The following ALOX5 variants were observed in gnomAD, a reference collection of about 807,000 sequenced individuals.
ALOX5 encodes the protein arachidonate 5-lipoxygenase, also known as polyunsaturated fatty acid 5-lipoxygenase.
Under a neutral mutation model 87.9 loss-of-function variants are expected in ALOX5, and 64 were observed. The ratio of observed to expected loss-of-function variants is 0.73; its 90% CI spans 0.60 to 0.90. The LOEUF (loss-of-function observed/expected upper bound fraction) is 0.90. ALOX5 is among the 40% of genes least tolerant of loss of function. ALOX5 has a pLI of 0.00. For missense variants in ALOX5, 822 were observed against 907.5 expected (o/e 0.91, Z 1.21); for synonymous variants, 388 against 355.1 (o/e 1.09, Z -1.04).
At chr10:45,379,885 C>T (rs556507413) in intron 1 of ALOX5, among the ~76,000 whole-genome samples, 1 of 152,208 alleles carries the variant, frequency 6.6e-6, no homozygotes, top group East Asian at 1.9e-4. Flanking sequence ...GCCCACCGAG[C>T]CTTCTACCCC....
At chr10:45,435,131 G>A (rs1489661853) in intron 7 of ALOX5, among the ~76,000 whole-genome samples, 1 of 152,210 alleles carries the variant, frequency 6.6e-6, no homozygotes, top group East Asian at 1.9e-4. Flanking sequence ...TGGTACAAGA[G>A]CTCAAGGAGA....
At position 45,427,357 on chromosome 10, in the gene ALOX5, C is replaced by G. The variant is rs376956805; in HGVS notation, c.835-1261C>G. On this transcript the variant is annotated intron_variant, in intron 6 of 13. Transcript: ENST00000374391. ...AACCCAAGGGTCTCCACCTGCCCCC[C>G]TCAACACAAGGTGCCCTGAGTGCCT... Among the ~76,000 whole-genome samples the G allele has an allele frequency of 4.6e-5, 7 of 152,346 alleles. No homozygotes were observed. In the East Asian group the frequency reaches 1.4e-3, roughly 29 times the overall value.
At chr10:45,391,380 C>CT (rs1840244150) in intron 2 of ALOX5, among the ~76,000 whole-genome samples, 1 of 152,216 alleles carries the variant, frequency 6.6e-6, no homozygotes. Flanking sequence ...CAGACGGAGT[C>CT]TCATTCACTC....
chr10:45,436,685 G>A (rs924786107), intron 7 of ALOX5, among the ~76,000 whole-genome samples: 1 of 152,120 alleles, frequency 6.6e-6, no homozygotes, highest in Non-Finnish European at 1.5e-5. Flanking sequence ...GTCAGGTAAT[G>A]TGATGCCTCC....
rs1258974833 is a variant in ALOX5 at position 45,443,154 on chromosome 10, A to T, written c.1389A>T (p.Lys463Asn). Residue 463 changes from lysine to asparagine, a missense_variant, in exon 10 of 14, where the codon AAA becomes AAT. Physicochemically the swap from Lys to Asn is moderately conservative, Grantham distance 94. Coordinates refer to ENST00000374391, the MANE Select transcript of ALOX5 (RefSeq NM_000698.5). ...EAIKARGMESKEDIPYYFYRD... is the reference protein window; with the variant it reads ...EAIKARGMESNEDIPYYFYRD... ...TCAAGGCCCGGGGCATGGAGAGCAA[A>T]GAAGACATCCCCTACTACTTCTACC... The T allele has an allele frequency of 2.5e-6, 4 of 1,613,876 alleles. No homozygotes were observed. The highest frequency in any genetic ancestry group is 2.5e-6 in the Non-Finnish European group (3 of 1,179,996).
chr10:45,403,876 G>A (rs1442294860), intron 3 of ALOX5, among the ~76,000 whole-genome samples: 1 of 152,100 alleles, frequency 6.6e-6, no homozygotes, highest in Non-Finnish European at 1.5e-5. Context: ...TTCTTCCTTG[G>A]CTTCCCTCCC....
Position 45,403,449 on chromosome 10 carries a change from G to C in ALOX5, c.431+7513G>C, listed in dbSNP as rs1840771482. Among the ~76,000 whole-genome samples, 3 of 152,282 alleles carry C rather than the reference G, an allele frequency of 2.0e-5. No individual in the cohort carries two copies. The South Asian group carries it at 6.2e-4, about 32-fold the overall frequency. Reference sequence around the variant, plus strand: ...AGAAAATGATTATCATAAAGCCGAGGATGGTCATTACCGGGGATGGAAGGA... The same window carrying C: ...AGAAAATGATTATCATAAAGCCGAGCATGGTCATTACCGGGGATGGAAGGA... On this transcript the variant is annotated intron_variant, in intron 3 of 13. Coordinates refer to ENST00000374391, the MANE Select transcript of ALOX5 (RefSeq NM_000698.5).
chr10:45,430,475 G>C (rs985708326), intron 7 of ALOX5, among the ~76,000 whole-genome samples: 1 of 151,972 alleles, frequency 6.6e-6, no homozygotes. Context: ...CATAAAAAGA[G>C]TAATTATAGC....
intron 7 of ALOX5, among the ~76,000 whole-genome samples, chr10:45,430,982 G>A (rs1430256282): frequency 1.3e-5 from 2 of 152,204 alleles, no homozygotes; most frequent in Non-Finnish European, 2.9e-5. Context: ...AACTAAAGGT[G>A]ATATTAGCGA....
At chr10:45,389,506 C>T (rs1212069789) in intron 2 of ALOX5, among the ~76,000 whole-genome samples, 3 of 152,230 alleles carry the variant, frequency 2.0e-5, no homozygotes, top group African/African-American at 7.2e-5. Context: ...CGGCAGAAAC[C>T]CTACAAGCCA....
chr10:45,397,405 C>T (rs1002777784), intron 3 of ALOX5, among the ~76,000 whole-genome samples: 1 of 152,194 alleles, frequency 6.6e-6, no homozygotes. Flanking sequence ...AGAAAATTCA[C>T]AGTTAACATT....
rs1195135893 is a variant in ALOX5, at chr10:45,443,023, T to C, written c.1273-15T>C. ...GAGGAGCCACCCGCTCAGGGCACTC[T>C]ACCTCCCACTCCAGGCCAACGCCAC... On this transcript the variant is annotated splice_polypyrimidine_tract_variant and intron_variant, in intron 9 of 13. Coordinates refer to ENST00000374391, the MANE Select transcript of ALOX5 (RefSeq NM_000698.5). The C allele has an allele frequency of 1.2e-6, 2 of 1,607,404 alleles. No homozygotes were observed. Among genetic ancestry groups the C allele is most frequent in the East Asian group, 2.2e-5 (1 of 44,858 alleles).
chr10:45,382,695 G>A lies in ALOX5; in HGVS notation c.349+14G>A, dbSNP rs749620096. 1.6e-5 allele frequency: 26 copies of A among 1,605,038 alleles called. 1 individual carries two copies. In the South Asian group the frequency reaches 2.9e-4, roughly 18 times the overall value. On this transcript the variant is annotated intron_variant, in intron 2 of 13. Coordinates refer to ENST00000374391, the MANE Select transcript of ALOX5 (RefSeq NM_000698.5). ...GGGATGGACGCGGTGAGCAGCTCAG[G>A]CCCCTTCTGCCCCGGGCTTCCCAAG...
intron 2 of ALOX5, among the ~76,000 whole-genome samples, chr10:45,387,786 G>A (rs1225882177): frequency 2.0e-5 from 3 of 152,242 alleles, no homozygotes; most frequent in Non-Finnish European, 4.4e-5. Context: ...GAGCACAGGA[G>A]TTGAGTTTTA....
At chr10:45,413,443 CA>C (rs1208967226) in intron 4 of ALOX5, among the ~76,000 whole-genome samples, 1 of 152,122 alleles carries the variant, frequency 6.6e-6, no homozygotes, top group Non-Finnish European at 1.5e-5. Flanking sequence ...GGATGTATCT[CA>C]AAATAATAAG....
chr10:45,407,106 A>T (rs1317588271), intron 3 of ALOX5, among the ~76,000 whole-genome samples: 6 of 151,824 alleles, frequency 4.0e-5, no homozygotes, highest in Admixed American at 1.3e-4. Flanking sequence ...CCCCCTACCC[A>T]TCCCCTCAAA....
In ALOX5 at chr10:45,445,542, T is replaced by C; in HGVS notation, c.1880T>C (p.Ile627Thr). The part of the protein sequence containing the change: ...FLGMYPEEHF[I>T]EKPVKEAMAR... Reference sequence around the variant, plus strand: ...GGCATGTACCCAGAAGAGCATTTTATCGAGAAGCCTGTGAAGGAAGCCATG... The same window carrying C: ...GGCATGTACCCAGAAGAGCATTTTACCGAGAAGCCTGTGAAGGAAGCCATG... The change falls in exon 14 of 14, where the codon ATC (isoleucine) becomes ACC (threonine). Residue 627 changes from isoleucine to threonine, a missense_variant. Transcript: ENST00000374391. 4 of 1,614,112 alleles carry C rather than the reference T, an allele frequency of 2.5e-6. No individual in the cohort carries two copies. The highest frequency in any genetic ancestry group is 3.4e-6 in the Non-Finnish European group (4 of 1,180,006).
chr10:45,382,222 T>A (rs1564410136), intron 1 of ALOX5, among the ~76,000 whole-genome samples: 1 of 152,234 alleles, frequency 6.6e-6, no homozygotes, highest in Non-Finnish European at 1.5e-5. Context: ...TCCTTTGGCT[T>A]CAACTTCCCA....
At position 45,381,878 on chromosome 10, in the gene ALOX5, T is replaced by A. The variant is rs541900405; in HGVS notation, c.151-605T>A. ...TGGGTAAATGAATTCAGGAGTTCAT[T>A]TAAGGTGTTCATGAAGAATCTTGGC... On this transcript the variant is annotated intron_variant, in intron 1 of 13. Coordinates refer to ENST00000374391, the MANE Select transcript of ALOX5 (RefSeq NM_000698.5). Among the ~76,000 whole-genome samples the A allele has an allele frequency of 7.9e-5, 12 of 152,344 alleles. No homozygotes were observed. The South Asian group carries it at 2.3e-3, about 29-fold the overall frequency.
Sources: allele counts gnomAD v4.1 joint callset (sites outside exome capture counted in the v4.1 genomes callset), GRCh38; gene constraint gnomAD v4.1.1; transcripts MANE v1.5; gene names NCBI Gene and HGNC (gene_info 2026-07-23, HGNC 2026-07-21).